The following PTPRQ variants were observed in gnomAD, a reference collection of about 807,000 sequenced individuals.
The protein encoded by PTPRQ is phosphatidylinositol phosphatase PTPRQ.
Under a neutral mutation model 246.0 loss-of-function variants are expected in PTPRQ, and 199 were observed. The observed-to-expected ratio is 0.81, with a 90% confidence interval of 0.72 to 0.91. The LOEUF (loss-of-function observed/expected upper bound fraction) is 0.91. Ranked by LOEUF, PTPRQ falls within the 40% of genes least tolerant of loss-of-function variation. The pLI is 0.00. For missense variants in PTPRQ, 2,624 were observed against 2,528.4 expected (o/e 1.04, Z -0.81); for synonymous variants, 869 against 853.2 (o/e 1.02, Z -0.32).
At chr12:80,661,267 G>T (rs923153199) in intron 39 of PTPRQ, among the ~76,000 whole-genome samples, 3 of 148,590 alleles carry the variant, frequency 2.0e-5, no homozygotes, top group African/African-American at 7.4e-5. Context: ...ATTTGTATAT[G>T]TGTATATACA....
At chr12:80,501,207 A>G (rs1205410799) in intron 14 of PTPRQ, among the ~76,000 whole-genome samples, 15 of 151,974 alleles carry the variant, frequency 9.9e-5, no homozygotes, top group Admixed American at 9.9e-4. Flanking sequence ...CTTAGGTGCC[A>G]TTCTAGGAAC....
chr12:80,621,689 T>C (rs1918955), intron 32 of PTPRQ, among the ~76,000 whole-genome samples: 50,846 of 151,810 alleles, frequency 0.33, 8,871 homozygotes, highest in African/African-American at 0.41. Flanking sequence ...GTGATTGAGG[T>C]ATAACAGTTA....
chr12:80,653,958 A>G (rs1332876890), intron 38 of PTPRQ, among the ~76,000 whole-genome samples: 1 of 152,178 alleles, frequency 6.6e-6, no homozygotes, highest in African/African-American at 2.4e-5. Flanking sequence ...TTTTAAGAGC[A>G]AGATAACAAG....
intron 43 of PTPRQ, among the ~76,000 whole-genome samples, chr12:80,675,982 G>A (rs1212810716): frequency 2.0e-5 from 3 of 152,128 alleles, no homozygotes; most frequent in Non-Finnish European, 4.4e-5. Flanking sequence ...TCACCAACAT[G>A]GTGCCCAGCA....
intron 26 of PTPRQ, 118 bp downstream of exon 26, chr12:80,588,570 G>A: frequency 2.7e-6 from 3 of 1,109,642 alleles, no homozygotes; most frequent in South Asian, 3.8e-5. Flanking sequence ...AAATAACTGA[G>A]GACACTACCA....
chr12:80,462,983 G>C (rs4512920), intron 6 of PTPRQ, among the ~76,000 whole-genome samples: 128,625 of 151,616 alleles, frequency 0.85, 55,103 homozygotes, highest in Non-Finnish European at 0.92. Context: ...AAGGATGGCA[G>C]TTCCTCACCA....
chr12:80,459,065 T>C (rs919497814), intron 4 of PTPRQ, among the ~76,000 whole-genome samples: 3 of 152,176 alleles, frequency 2.0e-5, no homozygotes, highest in Admixed American at 1.3e-4. Context: ...GTTTCATCAA[T>C]GCATGTATTA....
At chr12:80,452,568 C>CA (rs1345143586) in intron 3 of PTPRQ, among the ~76,000 whole-genome samples, 1 of 152,120 alleles carries the variant, frequency 6.6e-6, no homozygotes, top group Non-Finnish European at 1.5e-5. Flanking sequence ...CTGGTGGTGA[C>CA]AAAATCTCTC....
intron 3 of PTPRQ, 121 bp downstream of exon 3, chr12:80,445,838 C>A: frequency 1.4e-6 from 1 of 692,334 alleles, no homozygotes; most frequent in Admixed American, 2.3e-5. Context: ...TGACAACGTT[C>A]ACAGTCATGG....
At chr12:80,628,201 A>G (rs550251172) in intron 33 of PTPRQ, among the ~76,000 whole-genome samples, 1 of 152,260 alleles carries the variant, frequency 6.6e-6, no homozygotes, top group Admixed American at 6.5e-5. Context: ...ATTTTAATGT[A>G]TAAAAAAATG....
chr12:80,588,592 A>G (rs1300771819), intron 26 of PTPRQ, 140 bp downstream of exon 26: 3 of 998,730 alleles, frequency 3.0e-6, no homozygotes, highest in Admixed American at 4.1e-5. Context: ...ATATAACGAC[A>G]TATTTAGTTT....
At chr12:80,558,932 GT>G (rs1157461069) in intron 25 of PTPRQ, among the ~76,000 whole-genome samples, 4 of 152,250 alleles carry the variant, frequency 2.6e-5, no homozygotes, top group Admixed American at 2.6e-4. Flanking sequence ...TCATTGGATT[GT>G]TTTGTTTTAT....
chr12:80,617,216 T>C (rs1300354839), intron 30 of PTPRQ, among the ~76,000 whole-genome samples: 1 of 151,084 alleles, frequency 6.6e-6, no homozygotes, highest in Non-Finnish European at 1.5e-5. Flanking sequence ...ATAATACTGG[T>C]TCCTATCTCA....
At chr12:80,472,337 T>C (rs896303027) in intron 8 of PTPRQ, 86 bp downstream of exon 8, 1 of 1,488,760 alleles carries the variant, frequency 6.7e-7, no homozygotes, top group Admixed American at 2.4e-5. Flanking sequence ...AAGCAATTTG[T>C]TTTACATTTA....
intron 25 of PTPRQ, among the ~76,000 whole-genome samples, chr12:80,572,721 G>A (rs1897179741): frequency 1.3e-5 from 2 of 152,054 alleles, no homozygotes; most frequent in South Asian, 2.1e-4. Context: ...TATTGTGAAT[G>A]GATGTTAAAT....
chr12:80,445,762 C>G (rs2120385160), intron 3 of PTPRQ, 45 bp downstream of exon 3: 1 of 1,310,210 alleles, frequency 7.6e-7, no homozygotes, highest in South Asian at 1.3e-5. Context: ...ACATTTCATT[C>G]ATTTTAAAAG....
At chr12:80,612,202 T>C (rs1306716337) in intron 28 of PTPRQ, among the ~76,000 whole-genome samples, 1 of 150,388 alleles carries the variant, frequency 6.6e-6, no homozygotes, top group Non-Finnish European at 1.5e-5. Context: ...ACTTTTATCC[T>C]CATACATATT....
intron 25 of PTPRQ, among the ~76,000 whole-genome samples, chr12:80,576,650 C>T (rs1038091458): frequency 2.3e-4 from 35 of 151,774 alleles, no homozygotes; most frequent in Admixed American, 1.1e-3. Context: ...TTTCTTCTGA[C>T]CTTTTTTTTT....
At chr12:80,476,017 T>G (rs11114470) in intron 8 of PTPRQ, among the ~76,000 whole-genome samples, 28,650 of 151,632 alleles carry the variant, frequency 0.19, 2,896 homozygotes, top group Middle Eastern at 0.23. Context: ...TTTAGTTGCC[T>G]GATTAATATG....
Sources: allele counts gnomAD v4.1 joint callset (sites outside exome capture counted in the v4.1 genomes callset), GRCh38; gene constraint gnomAD v4.1.1; transcripts MANE v1.5; gene names NCBI Gene and HGNC (gene_info 2026-07-23, HGNC 2026-07-21).